The following NLN variants were observed in gnomAD, a reference collection of about 807,000 sequenced individuals.
NLN encodes neurolysin.
In NLN, 64 loss-of-function variants were observed where a neutral mutation model predicts 79.9. The observed-to-expected ratio is 0.80, with a 90% confidence interval of 0.65 to 0.99. The LOEUF (loss-of-function observed/expected upper bound fraction) is 0.99, where lower values mean the gene tolerates loss of function less well. Ranked by LOEUF, NLN falls within the 50% of genes least tolerant of loss-of-function variation. The pLI, the probability that NLN is intolerant of heterozygous loss-of-function variation, is 0.00. For missense variants in NLN, 835 were observed against 858.7 expected (o/e 0.97, Z 0.34); for synonymous variants, 267 against 296.6 (o/e 0.90, Z 1.02).
chr5:65,774,726 T>C (rs1561196130), intron 3 of NLN, among the ~76,000 whole-genome samples: 1 of 98,350 alleles, frequency 1.0e-5, no homozygotes. Flanking sequence ...TATATATATA[T>C]ATATTTTTTT....
intron 12 of NLN, among the ~76,000 whole-genome samples, chr5:65,820,721 T>TG (rs1381462627): frequency 7.6e-5 from 10 of 130,844 alleles, no homozygotes; most frequent in South Asian, 2.3e-4. Context: ...GACATGTTTT[T>TG]TTTTGTTTGT....
intron 1 of NLN, among the ~76,000 whole-genome samples, chr5:65,748,899 A>G (rs1051355564): frequency 6.6e-6 from 1 of 152,158 alleles, no homozygotes; most frequent in Non-Finnish European, 1.5e-5. Flanking sequence ...CTCATCTTGA[A>G]TTATAGCTCC....
rs772194817 is a variant in NLN, at chr5:65,812,332, G to A, written c.1921G>A (p.Val641Ile). The change falls in exon 12 of 13, where the codon GTA becomes ATA. Residue 641 changes from valine (V) to isoleucine (I), a missense_variant. Val to Ile is a conservative substitution (Grantham distance 29). Coordinates refer to ENST00000380985, the MANE Select transcript of NLN (RefSeq NM_020726.5). ...GQYYGYLWSE[V>I]FSMDMFYSCF... Reference sequence around the variant, plus strand: ...ATATTATGGATATCTTTGGAGTGAAGTATTTTCCATGGATATGTTTTACAG... The same window carrying A: ...ATATTATGGATATCTTTGGAGTGAAATATTTTCCATGGATATGTTTTACAG... The A allele has an allele frequency of 2.5e-6, 4 of 1,584,058 alleles. No homozygotes were observed. The highest frequency in any genetic ancestry group is 1.3e-5 in the African/African-American group (1 of 74,292).
intron 12 of NLN, chr5:65,818,998 T>C (rs982083847): frequency 5.9e-5 from 9 of 152,240 alleles, no homozygotes; most frequent in East Asian, 1.9e-4. Flanking sequence ...TTATTATTGC[T>C]ATTAAAATAT....
chr5:65,806,443 A>G (rs1410481208), intron 9 of NLN, among the ~76,000 whole-genome samples: 1 of 152,242 alleles, frequency 6.6e-6, no homozygotes, highest in Admixed American at 6.5e-5. Context: ...ATTGATTTCA[A>G]CCCTCATAGA....
At chr5:65,810,214 G>A (rs371091422) in intron 11 of NLN, 49 bp downstream of exon 11, 94 of 1,543,790 alleles carry the variant, frequency 6.1e-5, no homozygotes, top group Middle Eastern at 1.7e-4. Context: ...AGCACAGGGC[G>A]TTCTCCTAAC....
chr5:65,728,108 G>A (rs776740567), intron 1 of NLN, among the ~76,000 whole-genome samples: 5 of 152,132 alleles, frequency 3.3e-5, no homozygotes, highest in Non-Finnish European at 7.3e-5. Flanking sequence ...TGACAGCAAT[G>A]CGTGTTCATT....
At chr5:65,791,754 TTAG>T (rs1760066750) in intron 8 of NLN, among the ~76,000 whole-genome samples, 1 of 151,914 alleles carries the variant, frequency 6.6e-6, no homozygotes, top group Non-Finnish European at 1.5e-5. Flanking sequence ...CCAGGTACTA[TTAG>T]TCTTCTGAGC....
intron 3 of NLN, among the ~76,000 whole-genome samples, chr5:65,763,339 AAAGTT>A (rs1318762123): frequency 6.6e-6 from 1 of 152,232 alleles, no homozygotes; most frequent in African/African-American, 2.4e-5. Flanking sequence ...GAACATCTGT[AAAGTT>A]AAGGCTTTTT....
intron 9 of NLN, among the ~76,000 whole-genome samples, chr5:65,802,686 C>G (rs781422610): frequency 2.0e-5 from 3 of 152,198 alleles, no homozygotes; most frequent in Non-Finnish European, 4.4e-5. Flanking sequence ...CAAAGAGGAG[C>G]TTTACTGAGC....
chr5:65,799,879 A>G (rs1016389296), intron 9 of NLN, among the ~76,000 whole-genome samples: 5 of 152,082 alleles, frequency 3.3e-5, no homozygotes, highest in Non-Finnish European at 7.4e-5. Flanking sequence ...CCTTTTAATC[A>G]TCTGTTTATG....
chr5:65,812,547 A>AT (rs1251377330), intron 12 of NLN, among the ~76,000 whole-genome samples, 156 bp downstream of exon 12: 3 of 152,210 alleles, frequency 2.0e-5, no homozygotes, highest in Non-Finnish European at 4.4e-5. Flanking sequence ...ATCATACATC[A>AT]TTAAGTTGCA....
chr5:65,780,506 G>A (rs1184719611), intron 5 of NLN, among the ~76,000 whole-genome samples: 1 of 151,750 alleles, frequency 6.6e-6, no homozygotes, highest in Admixed American at 6.6e-5. Flanking sequence ...TCTAGAGACA[G>A]TCCAGAGGGG....
intron 9 of NLN, among the ~76,000 whole-genome samples, chr5:65,798,608 A>G (rs999284358): frequency 6.6e-6 from 1 of 151,772 alleles, no homozygotes; most frequent in Admixed American, 6.6e-5. Flanking sequence ...CCTAGCCCCA[A>G]CTCCTGCACA....
intron 6 of NLN, among the ~76,000 whole-genome samples, chr5:65,783,338 G>C (rs964060890): frequency 1.3e-5 from 2 of 152,140 alleles, no homozygotes; most frequent in African/African-American, 4.8e-5. Flanking sequence ...GTCAAGAGGT[G>C]AGTGGTCCAG....
At chr5:65,774,062 T>G (rs1223695497) in intron 3 of NLN, among the ~76,000 whole-genome samples, 1 of 151,806 alleles carries the variant, frequency 6.6e-6, no homozygotes, top group African/African-American at 2.4e-5. Context: ...AAAGTTTTTT[T>G]TTTTTTTTTG....
chr5:65,751,854 A>ATGG (rs1759109751), intron 1 of NLN, among the ~76,000 whole-genome samples: 1 of 152,114 alleles, frequency 6.6e-6, no homozygotes, highest in African/African-American at 2.4e-5. Flanking sequence ...GATGATGATG[A>ATGG]TATTATTTTG....
At chr5:65,779,516 T>C (rs1400551576) in intron 4 of NLN, among the ~76,000 whole-genome samples, 1 of 152,210 alleles carries the variant, frequency 6.6e-6, no homozygotes, top group Non-Finnish European at 1.5e-5. Context: ...ATAGAATGAA[T>C]TATTCAGCTC....
At chr5:65,747,180 G>A (rs1251495350) in intron 1 of NLN, among the ~76,000 whole-genome samples, 7 of 152,008 alleles carry the variant, frequency 4.6e-5, no homozygotes, top group South Asian at 2.1e-4. Context: ...AGCTATGTTC[G>A]TAGGAGGGAA....
Sources: allele counts gnomAD v4.1 joint callset (sites outside exome capture counted in the v4.1 genomes callset), GRCh38; gene constraint gnomAD v4.1.1; transcripts MANE v1.5; gene names NCBI Gene and HGNC (gene_info 2026-07-23, HGNC 2026-07-21).